NR3C2: variants seen among roughly 807,000 people sequenced by gnomAD.
The protein encoded by NR3C2 is mineralocorticoid receptor.
NR3C2 carries 15 observed loss-of-function variants against 86.4 expected under a neutral mutation model. That is an observed-to-expected ratio of 0.17 (90% CI 0.12 to 0.27). The LOEUF (loss-of-function observed/expected upper bound fraction) is 0.27, where lower values mean the gene tolerates loss of function less well. NR3C2 is among the 10% of genes least tolerant of loss of function. NR3C2 has a pLI of 1.00. For missense variants in NR3C2, 960 were observed against 1,195.6 expected, an observed-to-expected ratio of 0.80 and a Z score of 2.91; for synonymous variants, 458 against 450.5, an observed-to-expected ratio of 1.02 and a Z score of -0.21.
intron 2 of NR3C2, among the ~76,000 whole-genome samples, chr4:148,402,977 A>G (rs1748245438): frequency 6.6e-6 from 1 of 152,018 alleles, no homozygotes; most frequent in Admixed American, 6.5e-5. Flanking sequence ...GCAATAGGAA[A>G]CTTTTTAGTT....
intron 4 of NR3C2, among the ~76,000 whole-genome samples, chr4:148,170,751 C>A (rs1411100768): frequency 6.6e-6 from 1 of 152,170 alleles, no homozygotes; most frequent in Admixed American, 6.5e-5. Flanking sequence ...TTAAAACTTA[C>A]ATTTAGTTTC....
chr4:148,387,555 G>T (rs1747328419), intron 2 of NR3C2, among the ~76,000 whole-genome samples: 1 of 152,110 alleles, frequency 6.6e-6, no homozygotes, highest in African/African-American at 2.4e-5. Flanking sequence ...AATTGTTTTG[G>T]TCACATGTTT....
intron 8 of NR3C2, among the ~76,000 whole-genome samples, chr4:148,082,771 G>C (rs1730636585): frequency 6.6e-6 from 1 of 150,634 alleles, no homozygotes; most frequent in Non-Finnish European, 1.5e-5. Flanking sequence ...AAGCTGTTTA[G>C]CTCAGCGGAT....
At chr4:148,186,761 C>A (rs1166933496) in intron 4 of NR3C2, among the ~76,000 whole-genome samples, 1 of 149,056 alleles carries the variant, frequency 6.7e-6, no homozygotes, top group African/African-American at 2.5e-5. Context: ...ATCCCTTACC[C>A]CCCTCCCACT....
At chr4:148,094,239 G>C (rs1031221855) in intron 8 of NR3C2, among the ~76,000 whole-genome samples, 4 of 152,204 alleles carry the variant, frequency 2.6e-5, no homozygotes, top group Admixed American at 1.3e-4. Context: ...TGTTGACAAG[G>C]ATATAGAGAA....
At chr4:148,191,541 C>A (rs1451518562) in intron 4 of NR3C2, among the ~76,000 whole-genome samples, 2 of 152,132 alleles carry the variant, frequency 1.3e-5, no homozygotes, top group Non-Finnish European at 2.9e-5. Flanking sequence ...CCTGCAAGAC[C>A]GGGGAAGTTT....
At chr4:148,408,990 TCTC>T (rs1279883068) in intron 2 of NR3C2, among the ~76,000 whole-genome samples, 1 of 152,162 alleles carries the variant, frequency 6.6e-6, no homozygotes, top group Non-Finnish European at 1.5e-5. Flanking sequence ...GTTGAATAAT[TCTC>T]CTATTAGTTG....
chr4:148,407,561 T>C (rs984546237), intron 2 of NR3C2, among the ~76,000 whole-genome samples: 1 of 152,216 alleles, frequency 6.6e-6, no homozygotes, highest in Non-Finnish European at 1.5e-5. Flanking sequence ...AAATTACCAC[T>C]GAGACAGGAT....
intron 2 of NR3C2, among the ~76,000 whole-genome samples, chr4:148,361,550 T>C (rs922441223): frequency 2.0e-5 from 3 of 152,188 alleles, no homozygotes; most frequent in African/African-American, 7.2e-5. Context: ...ATGTCATTAA[T>C]AGGAAATTGT....
At chr4:148,388,077 CCTCT>C (rs1279164629) in intron 2 of NR3C2, among the ~76,000 whole-genome samples, 2 of 152,164 alleles carry the variant, frequency 1.3e-5, no homozygotes, top group Non-Finnish European at 1.5e-5. Context: ...CAGAGACATT[CCTCT>C]CTATTTGTGT....
At chr4:148,282,926 A>G (rs1330620881) in intron 2 of NR3C2, among the ~76,000 whole-genome samples, 1 of 152,220 alleles carries the variant, frequency 6.6e-6, no homozygotes, top group Admixed American at 6.5e-5. Flanking sequence ...GAAGAATACA[A>G]GCTAAAGGAC....
Position 148,104,344 on chromosome 4 carries a change from T to TTGG in NR3C2, c.2799+9759_2799+9760insCCA, listed in dbSNP as rs1419893962. On this transcript the variant is annotated intron_variant, in intron 8 of 8. Coordinates refer to ENST00000358102, the MANE Select transcript of NR3C2 (RefSeq NM_000901.5). ...TTGTTTTTTTGTGTTTTGGTTTGGTTTTTTTTTTTTTTTTTTTTGCATAAT... is the reference window on the plus strand; with the variant it reads ...TTGTTTTTTTGTGTTTTGGTTTGGTTTGGTTTTTTTTTTTTTTTTTTGCATAAT... Among the ~76,000 whole-genome samples the TTGG allele has an allele frequency of 5.3e-3, 676 of 128,258 alleles. 6 individuals are homozygous for TTGG. Among genetic ancestry groups the TTGG allele is most frequent in the African/African-American group, 0.022 (557 of 25,308 alleles). The allele number at this position is 128,258 out of a possible 152,430, so 84.1% of individuals were successfully genotyped here.
chr4:148,344,734 A>C (rs913094660), intron 2 of NR3C2, among the ~76,000 whole-genome samples: 1 of 152,180 alleles, frequency 6.6e-6, no homozygotes, highest in Non-Finnish European at 1.5e-5. Context: ...TCTAAAAATC[A>C]GACAATTACG....
At chr4:148,278,109 TTTGTTTG>T (rs1741047338) in intron 2 of NR3C2, among the ~76,000 whole-genome samples, 1 of 150,966 alleles carries the variant, frequency 6.6e-6, no homozygotes, top group South Asian at 2.1e-4. Flanking sequence ...TGTTTGTTTG[TTTGTTTG>T]TTTGAGACAG....
intron 2 of NR3C2, among the ~76,000 whole-genome samples, chr4:148,278,288 T>G (rs930288093): frequency 3.3e-5 from 5 of 152,034 alleles, no homozygotes; most frequent in Non-Finnish European, 7.4e-5. Context: ...TTAGTAGAGA[T>G]GGGGTTTTGC....
rs993759764 is a variant in NR3C2 at position 148,236,001 on chromosome 4, G to C, written c.1897+23977C>G. ...GCAGACGGCCACTGCCAGCAGCAGCGGGCAGATGCAAGATCTGAATTGACT... is the reference window on the plus strand; with the variant it reads ...GCAGACGGCCACTGCCAGCAGCAGCCGGCAGATGCAAGATCTGAATTGACT... On this transcript the variant is annotated intron_variant, in intron 3 of 8. Coordinates refer to ENST00000358102, the MANE Select transcript of NR3C2 (RefSeq NM_000901.5). Among the ~76,000 whole-genome samples, 3 of 152,288 alleles carry C rather than the reference G, an allele frequency of 2.0e-5. No individual in the cohort carries two copies. In the South Asian group the frequency reaches 6.2e-4, roughly 32 times the overall value.
chr4:148,303,828 C>T lies in NR3C2; in HGVS notation c.1758-43711G>A, dbSNP rs575604197. Reference sequence around the variant, plus strand: ...TGGCATAAATGAGGTCTAGGGAACTCGAAGGCTCCTGACACCAGGGAAGAC... The same window carrying T: ...TGGCATAAATGAGGTCTAGGGAACTTGAAGGCTCCTGACACCAGGGAAGAC... On this transcript the variant is annotated intron_variant, in intron 2 of 8. Coordinates refer to ENST00000358102, the MANE Select transcript of NR3C2 (RefSeq NM_000901.5). Among the ~76,000 whole-genome samples the T allele has an allele frequency of 1.1e-4, 16 of 152,298 alleles. No individual in the cohort carries two copies. In the East Asian group the frequency reaches 2.3e-3, roughly 22 times the overall value.
intron 3 of NR3C2, among the ~76,000 whole-genome samples, chr4:148,235,463 C>T (rs779690306): frequency 4.0e-5 from 6 of 151,780 alleles, no homozygotes; most frequent in Non-Finnish European, 5.9e-5. Context: ...TAAAAGTCTG[C>T]GTATTAAGTT....
chr4:148,348,961 G>A (rs1026761592), intron 2 of NR3C2, among the ~76,000 whole-genome samples: 1 of 152,086 alleles, frequency 6.6e-6, no homozygotes, highest in Non-Finnish European at 1.5e-5. Context: ...TACCTTAAGT[G>A]TTACTCTATT....
Sources: gnomAD v4.1 joint callset for allele counts (sites outside exome capture counted in the v4.1 genomes callset) on GRCh38, gnomAD v4.1.1 for gene constraint, MANE v1.5 for transcripts, NCBI Gene and HGNC (gene_info 2026-07-23, HGNC 2026-07-21) for gene names.